Variants in IQGAP2 observed in about 807,000 individuals in gnomAD.
IQGAP2 encodes IQ motif containing GTPase activating protein 2.
IQGAP2 carries 173 observed loss-of-function variants against 201.3 expected under a neutral mutation model. That is an observed-to-expected ratio of 0.86 (90% CI 0.76 to 0.98). The LOEUF is 0.98. Ranked by LOEUF, IQGAP2 falls within the 50% of genes least tolerant of loss-of-function variation. The pLI is 0.00. For missense variants in IQGAP2, 1,687 were observed against 1,864.8 expected (o/e 0.90, Z 1.76); for synonymous variants, 675 against 673.9 (o/e 1.00, Z -0.03).
At chr5:76,413,156 C>CTTTTTTTTTTTTTTTTT (rs567410789) in intron 1 of IQGAP2, among the ~76,000 whole-genome samples, 5 of 83,720 alleles carry the variant, frequency 6.0e-5, no homozygotes, top group African/African-American at 1.6e-4. Flanking sequence ...TTTCTTTTCT[C>CTTTTTTTTTTTTTTTTT]TTTTTTTTTT....
chr5:76,466,961 G>A (rs1031459486), intron 2 of IQGAP2, among the ~76,000 whole-genome samples: 1 of 152,104 alleles, frequency 6.6e-6, no homozygotes, highest in African/African-American at 2.4e-5. Flanking sequence ...ATATACAAAG[G>A]GTTCTTAAGT....
At chr5:76,597,330 TC>T (rs1561494475) in intron 9 of IQGAP2, 108 bp from the exon 10 acceptor site, 1 of 1,067,224 alleles carries the variant, frequency 9.4e-7, no homozygotes, top group Non-Finnish European at 1.4e-6. Context: ...TTTTCAGAGT[TC>T]ATGAAAAGTA....
intron 15 of IQGAP2, among the ~76,000 whole-genome samples, chr5:76,635,010 T>C (rs961106654): frequency 2.6e-5 from 4 of 152,204 alleles, no homozygotes; most frequent in Non-Finnish European, 5.9e-5. Context: ...ATGTGAAAAA[T>C]GTAGGAATTC....
chr5:76,556,088 G>A lies in IQGAP2; in HGVS notation c.147-6308G>A, dbSNP rs1390059829. Among the ~76,000 whole-genome samples the A allele has an allele frequency of 2.0e-5, 3 of 152,172 alleles. No homozygotes were observed. The South Asian group carries it at 6.2e-4, about 32-fold the overall frequency. On this transcript the variant is annotated intron_variant, in intron 2 of 35. Coordinates refer to ENST00000274364, the MANE Select transcript of IQGAP2 (RefSeq NM_006633.5). ...GTTAATAGGTAGAAGAGAAGAGAGA[G>A]AAACAGCTTCCTCTGTAAAGGAGGG... is the stretch of plus-strand genomic sequence containing the variant.
intron 28 of IQGAP2, chr5:76,677,651 G>A: frequency 4.8e-6 from 1 of 208,458 alleles, no homozygotes; most frequent in Non-Finnish European, 9.5e-6. Flanking sequence ...GATTGTGACT[G>A]GAATGGTGGC....
At chr5:76,413,397 G>A (rs547614804) in intron 1 of IQGAP2, among the ~76,000 whole-genome samples, 2 of 152,144 alleles carry the variant, frequency 1.3e-5, no homozygotes, top group South Asian at 4.1e-4. Context: ...TTGAACTCCT[G>A]ACCTCAGGTG....
chr5:76,536,447 T>G, intron 2 of IQGAP2, among the ~76,000 whole-genome samples: 1 of 151,998 alleles, frequency 6.6e-6, no homozygotes, highest in Non-Finnish European at 1.5e-5. Flanking sequence ...GTGTGCTGCT[T>G]TCTTTTTCTT....
At chr5:76,466,523 T>A (rs969937291) in intron 2 of IQGAP2, among the ~76,000 whole-genome samples, 1 of 152,164 alleles carries the variant, frequency 6.6e-6, no homozygotes, top group Non-Finnish European at 1.5e-5. Context: ...TAGAGTAGAT[T>A]TGAGAGTCTA....
In IQGAP2 at chr5:76,610,050, TTCTCTCTC is replaced by T. The variant is rs71604297; in HGVS notation, c.1358-950_1358-943del. The stretch of plus-strand genomic sequence containing the variant: ...CCCTATAGTCAGTCTTGTTCTCTCT[TTCTCTCTC>T]TCTCTCTCTCTCTCTCTCTATATAT... On this transcript the variant is annotated intron_variant, in intron 12 of 35. Transcript: ENST00000274364. 1.2e-3 allele frequency among the ~76,000 whole-genome samples: 22 copies of T among 19,066 alleles called. 2 individuals are homozygous for T. Among genetic ancestry groups the T allele is most frequent in the Middle Eastern group, 0.038 (1 of 26 alleles). 12.5% of individuals were successfully genotyped at this position (19,066 alleles called of 152,430 possible). A position where few individuals can be genotyped will look rare whatever the true frequency, so the allele number is the denominator to read the frequency against.
intron 2 of IQGAP2, among the ~76,000 whole-genome samples, chr5:76,552,227 G>A (rs565947707): frequency 7.2e-5 from 11 of 152,146 alleles, no homozygotes; most frequent in Non-Finnish European, 1.2e-4. Flanking sequence ...GTCCAAGTCA[G>A]CAGTGTTTCT....
intron 13 of IQGAP2, among the ~76,000 whole-genome samples, chr5:76,622,918 A>G (rs976878903): frequency 1.3e-5 from 2 of 152,238 alleles, no homozygotes; most frequent in African/African-American, 2.4e-5. Flanking sequence ...TTAATCGTAG[A>G]CATCTAAAAT....
chr5:76,545,986 T>C (rs1314239056), intron 2 of IQGAP2, among the ~76,000 whole-genome samples: 4 of 152,226 alleles, frequency 2.6e-5, no homozygotes, highest in Non-Finnish European at 1.5e-5. Context: ...GTATCATTGG[T>C]CTTTGTTGAT....
chr5:76,463,399 A>G (rs1461397125), intron 2 of IQGAP2, among the ~76,000 whole-genome samples: 3 of 152,132 alleles, frequency 2.0e-5, no homozygotes, highest in African/African-American at 4.8e-5. Context: ...ACCTGTGGGA[A>G]GTTCAATTTG....
chr5:76,535,418 A>T (rs905041446), intron 2 of IQGAP2, among the ~76,000 whole-genome samples: 15 of 152,130 alleles, frequency 9.9e-5, no homozygotes, highest in Non-Finnish European at 1.2e-4. Flanking sequence ...TCACAAAAAA[A>T]TTTTTTTTAA....
chr5:76,619,133 T>G (rs964382762), intron 13 of IQGAP2, among the ~76,000 whole-genome samples: 1 of 152,190 alleles, frequency 6.6e-6, no homozygotes, highest in African/African-American at 2.4e-5. Flanking sequence ...ATAAGTTGAT[T>G]TAGCAAATTT....
intron 17 of IQGAP2, among the ~76,000 whole-genome samples, chr5:76,649,528 T>C (rs1388262572): frequency 6.6e-6 from 1 of 152,172 alleles, no homozygotes; most frequent in Non-Finnish European, 1.5e-5. Context: ...AAATACATTT[T>C]TCTACTCTTG....
At chr5:76,673,386 T>C in intron 24 of IQGAP2, 63 bp from the exon 25 acceptor site, 3 of 1,561,156 alleles carry the variant, frequency 1.9e-6, no homozygotes, top group Non-Finnish European at 2.6e-6. Flanking sequence ...TAGAACCAAC[T>C]TGGCAGCAAA....
intron 11 of IQGAP2, among the ~76,000 whole-genome samples, chr5:76,601,322 T>C (rs1213511424): frequency 1.3e-5 from 2 of 152,240 alleles, no homozygotes; most frequent in African/African-American, 4.8e-5. Flanking sequence ...TTAATAATCA[T>C]CCAGTCCAAT....
At chr5:76,505,848 C>A (rs1561423345) in intron 2 of IQGAP2, among the ~76,000 whole-genome samples, 2 of 152,206 alleles carry the variant, frequency 1.3e-5, no homozygotes, top group Non-Finnish European at 2.9e-5. Flanking sequence ...GCTGGTTGCC[C>A]ACCTTTATTC....
Sources: gnomAD v4.1 joint callset for allele counts (sites outside exome capture counted in the v4.1 genomes callset) on GRCh38, gnomAD v4.1.1 for gene constraint, MANE v1.5 for transcripts, NCBI Gene and HGNC (gene_info 2026-07-23, HGNC 2026-07-21) for gene names.